ANKMY1: variants seen among roughly 807,000 people sequenced by gnomAD.
ANKMY1 encodes the protein ankyrin repeat and MYND domain containing 1, also known as ankyrin repeat and MYND domain-containing protein 1.
Under a neutral mutation model 102.0 loss-of-function variants are expected in ANKMY1, and 98 were observed. The observed-to-expected ratio is 0.96, with a 90% confidence interval of 0.82 to 1.14. ANKMY1 has a LOEUF of 1.14. Ranked by LOEUF, ANKMY1 falls within the 50% of genes most tolerant of loss-of-function variation. The probability of loss-of-function intolerance (pLI) is 0.00; values close to 1 mark genes in which losing one functional copy is unlikely to be tolerated. For missense variants in ANKMY1, 1,330 were observed against 1,347.6 expected, an observed-to-expected ratio of 0.99 and a Z score of 0.20; for synonymous variants, 582 against 559.9, an observed-to-expected ratio of 1.04 and a Z score of -0.56.
chr2:240,522,825 C>G (rs941113387), intron 8 of ANKMY1: 18 of 152,192 alleles, frequency 1.2e-4, no homozygotes, highest in Non-Finnish European at 2.6e-4. Flanking sequence ...ACACCCATGT[C>G]TCAAAGTTAA....
intron 4 of ANKMY1, among the ~76,000 whole-genome samples, chr2:240,540,590 G>A (rs965534615): frequency 6.6e-6 from 1 of 152,152 alleles, no homozygotes; most frequent in African/African-American, 2.4e-5. Flanking sequence ...CTTACCCATT[G>A]TTACATTTCT....
upstream of ANKMY1, chr2:240,560,752 C>T (rs1477182102): frequency 8.0e-6 from 12 of 1,500,648 alleles, no homozygotes; most frequent in South Asian, 1.2e-4. Flanking sequence ...GTGCGCGTCG[C>T]GCCCTCACTC....
intron 4 of ANKMY1, among the ~76,000 whole-genome samples, chr2:240,546,130 A>G (rs2090314395): frequency 6.6e-6 from 1 of 152,214 alleles, no homozygotes; most frequent in African/African-American, 2.4e-5. Context: ...GTTACCCTCA[A>G]AGGGAAGCTC....
chr2:240,546,677 A>C (rs934202699), intron 4 of ANKMY1, among the ~76,000 whole-genome samples: 5 of 152,206 alleles, frequency 3.3e-5, no homozygotes, highest in Non-Finnish European at 7.3e-5. Flanking sequence ...TCTACCAAGC[A>C]AATGGAAAAC....
At chr2:240,515,410 C>T (rs906033886) in intron 9 of ANKMY1, among the ~76,000 whole-genome samples, 2 of 152,046 alleles carry the variant, frequency 1.3e-5, no homozygotes, top group East Asian at 2.0e-4. Context: ...CGGCAGGCGC[C>T]TGTAATCCCA....
intron 4 of ANKMY1, among the ~76,000 whole-genome samples, chr2:240,531,051 G>A (rs549199939): frequency 1.3e-5 from 2 of 151,414 alleles, no homozygotes; most frequent in African/African-American, 4.8e-5. Flanking sequence ...AAGTCCATAA[G>A]AACATAAATA....
intron 4 of ANKMY1, among the ~76,000 whole-genome samples, chr2:240,545,738 T>G (rs1164388657): frequency 6.6e-6 from 1 of 151,988 alleles, no homozygotes; most frequent in African/African-American, 2.4e-5. Flanking sequence ...GCCGATGCGA[T>G]CAACTGGAAG....
Position 240,512,964 on chromosome 2 carries a change from G to A in ANKMY1, c.2005-22C>T, listed in dbSNP as rs146908131. On this transcript the variant is annotated intron_variant, in intron 9 of 17. Transcript: ENST00000401804. ...TCAGCTGCAGAGGAAACACCGGGGC[G>A]GGCAGTGAGGCACATTCTCGTAGGG... 366 of 1,605,100 alleles carry A rather than the reference G, an allele frequency of 2.3e-4. 1 individual carries two copies. The African/African-American group carries it at 3.9e-3, about 17-fold the overall frequency.
downstream of ANKMY1, chr2:240,479,272 C>G (rs2075071853): frequency 8.5e-6 from 3 of 354,866 alleles, no homozygotes; most frequent in South Asian, 4.8e-5. Flanking sequence ...CAGCAGGCTC[C>G]GAGTCCTGAC....
chr2:240,534,624 T>C (rs928551939), intron 4 of ANKMY1, among the ~76,000 whole-genome samples: 2 of 152,186 alleles, frequency 1.3e-5, no homozygotes, highest in Admixed American at 6.5e-5. Flanking sequence ...TTCATCATAA[T>C]AATAGATTCA....
At chr2:240,560,869 G>A (rs114887011), upstream of ANKMY1, 7,262 of 1,389,070 alleles carry the variant, frequency 5.2e-3, 326 homozygotes, top group African/African-American at 0.097. Flanking sequence ...CGCGCGCCCG[G>A]CGTGGCAGAG....
At chr2:240,524,912 T>C (rs2083048189) in intron 7 of ANKMY1, among the ~76,000 whole-genome samples, 1 of 152,244 alleles carries the variant, frequency 6.6e-6, no homozygotes, top group Non-Finnish European at 1.5e-5. Flanking sequence ...GTGTGGTCCC[T>C]GGACCAGTGG....
At position 240,529,932 on chromosome 2, in the gene ANKMY1, G is replaced by A. The variant is rs1267863938; in HGVS notation, c.481-423C>T. On this transcript the variant is annotated intron_variant, in intron 4 of 17. Transcript: ENST00000401804. The surrounding 1 kb of genome is among the most constrained non-coding windows in gnomAD (Gnocchi z 4.2). ...GTCAGGTATGACCCAACAAGGGGCAGGAGAAGGAGGAGGAGATAGAGGAAA... is the reference window on the plus strand; with the variant it reads ...GTCAGGTATGACCCAACAAGGGGCAAGAGAAGGAGGAGGAGATAGAGGAAA... 1.3e-5 allele frequency among the ~76,000 whole-genome samples: 2 copies of A among 152,046 alleles called. No homozygotes were observed. Among genetic ancestry groups the A allele is most frequent in the African/African-American group, 4.8e-5 (2 of 41,382 alleles).
chr2:240,511,938 T>A lies in ANKMY1; in HGVS notation c.2209A>T (p.Ser737Cys), dbSNP rs1341005931. 1 of 1,572,658 alleles carries A rather than the reference T, an allele frequency of 6.4e-7. No individual in the cohort carries two copies. The highest frequency in any genetic ancestry group is 8.6e-7 in the Non-Finnish European group (1 of 1,166,930). The part of the protein sequence containing the change: ...NEPGPPQAYY[S>C]TDTALPEEGG... ...TCCTCCGGGAGGGCTGTGTCCGTGC[T>A]GTAGTAGGCTTGGGGAGGGCCTGGC... Residue 737 changes from serine (S) to cysteine (C), a missense_variant, in exon 11 of 18, where the codon AGC becomes TGC. Physicochemically the swap from Ser to Cys is moderately radical, Grantham distance 112. Transcript: ENST00000401804.
rs903531096 is a variant in ANKMY1, at chr2:240,512,728, G to A, written c.2145+74C>T. 18 of 1,513,056 alleles carry A rather than the reference G, an allele frequency of 1.2e-5. No individual in the cohort carries two copies. In the African/African-American group the frequency reaches 1.2e-4, roughly 10 times the overall value. The allele number at this position is 1,513,056 out of a possible 1,614,324, so 93.7% of individuals were successfully genotyped here. A position where few individuals can be genotyped will look rare whatever the true frequency, so the allele number is the denominator to read the frequency against. ...CATCATGCTCGGCAAGCACAGGCTA[G>A]GCAGAGTGTGTGAATCCATCCAGGC... On this transcript the variant is annotated intron_variant, in intron 10 of 17. Transcript: ENST00000401804.
chr2:240,504,990 C>T (rs918426875), intron 13 of ANKMY1, among the ~76,000 whole-genome samples: 1 of 150,922 alleles, frequency 6.6e-6, no homozygotes, highest in Non-Finnish European at 1.5e-5. Context: ...CTGTTAAACA[C>T]ACACACACAC....
chr2:240,554,742 A>C, intron 3 of ANKMY1, 124 bp downstream of exon 3: 1 of 1,134,924 alleles, frequency 8.8e-7, no homozygotes. Flanking sequence ...AGGAGGAAAA[A>C]CTTTAGCCTA....
chr2:240,512,281 C>T (rs757356399), intron 10 of ANKMY1, among the ~76,000 whole-genome samples: 7 of 152,228 alleles, frequency 4.6e-5, no homozygotes, highest in East Asian at 1.9e-4. Flanking sequence ...CATGTTCGTG[C>T]GCTCAATGGC....
rs768606351 is a variant in ANKMY1, at chr2:240,520,466, C to T, written c.1900G>A (p.Val634Met). The change falls in exon 9 of 18, where the codon GTG (valine) becomes ATG (methionine). Residue 634 changes from valine (V) to methionine (M), a missense_variant. By Grantham distance (21) the Val-to-Met change is conservative. Transcript: ENST00000401804. The surrounding 1 kb of genome is among the most constrained non-coding windows in gnomAD (Gnocchi z 4.8). ...RRGADPNLCC[V>M]PMQVLFLAVK... Reference sequence around the variant, plus strand: ...GCAAGGAACAGGACCTGCATGGGCACGCAGCACAGGTTGGGGTCCGCGCCC... The same window carrying T: ...GCAAGGAACAGGACCTGCATGGGCATGCAGCACAGGTTGGGGTCCGCGCCC... 7 of 1,613,454 alleles carry T rather than the reference C, an allele frequency of 4.3e-6. No individual in the cohort carries two copies. The Admixed American group carries it at 6.7e-5, about 15-fold the overall frequency.
Sources: gnomAD v4.1 joint callset for allele counts (sites outside exome capture counted in the v4.1 genomes callset) on GRCh38, gnomAD v4.1.1 for gene constraint, Gnocchi (gnomAD v3.1) non-coding constraint, MANE v1.5 for transcripts, NCBI Gene and HGNC (gene_info 2026-07-23, HGNC 2026-07-21) for gene names.